The following XIRP2 variants were observed in gnomAD, a reference collection of about 807,000 sequenced individuals.
XIRP2 encodes the protein xin actin-binding repeat-containing protein 2.
A neutral mutation model predicts 277.0 loss-of-function variants in XIRP2; 236 were observed. The ratio of observed to expected loss-of-function variants is 0.85; its 90% CI spans 0.77 to 0.95. The LOEUF (loss-of-function observed/expected upper bound fraction) is 0.95, where lower values mean the gene tolerates loss of function less well. Ranked by LOEUF, XIRP2 falls within the 40% of genes least tolerant of loss-of-function variation. The pLI, the probability that XIRP2 is intolerant of heterozygous loss-of-function variation, is 0.00. For synonymous variants in XIRP2, 1,490 were observed against 1,416.5 expected, an observed-to-expected ratio of 1.05 and a Z score of -1.17; for missense variants, 4,640 against 4,157.5, an observed-to-expected ratio of 1.12 and a Z score of -3.19.
At chr2:167,021,835 T>A (rs543002800) in intron 2 of XIRP2, among the ~76,000 whole-genome samples, 128 of 152,080 alleles carry the variant, frequency 8.4e-4, no homozygotes, top group African/African-American at 2.8e-3. Flanking sequence ...AAAAATAAAA[T>A]TTTTTTAAAA....
chr2:167,225,145 T>G (rs1460900643), intron 5 of XIRP2, among the ~76,000 whole-genome samples: 1 of 152,188 alleles, frequency 6.6e-6, no homozygotes, highest in African/African-American at 2.4e-5. Flanking sequence ...TTTTCTTAAG[T>G]GGGAACAAAT....
intron 2 of XIRP2, among the ~76,000 whole-genome samples, chr2:167,134,008 T>C (rs923038079): frequency 6.6e-6 from 1 of 152,140 alleles, no homozygotes; most frequent in African/African-American, 2.4e-5. Context: ...GCAATTGTTT[T>C]TAGCTTCAGT....
intron 2 of XIRP2, among the ~76,000 whole-genome samples, chr2:166,968,702 A>C (rs528523503): frequency 1.3e-4 from 20 of 152,146 alleles, no homozygotes; most frequent in South Asian, 4.1e-4. Flanking sequence ...AAGAGTATGT[A>C]TAAATCATGC....
chr2:167,213,316 G>A (rs955603776), intron 4 of XIRP2, among the ~76,000 whole-genome samples: 3 of 152,078 alleles, frequency 2.0e-5, no homozygotes, highest in Non-Finnish European at 2.9e-5. Flanking sequence ...CAGTTTATAA[G>A]AAAGAAAACC....
chr2:166,940,036 G>C (rs1233359805), intron 2 of XIRP2, among the ~76,000 whole-genome samples: 4 of 152,226 alleles, frequency 2.6e-5, no homozygotes, highest in Non-Finnish European at 5.9e-5. Context: ...ATATCCTGCA[G>C]AGTGTTTTCC....
At chr2:167,016,172 A>C (rs919784195) in intron 2 of XIRP2, among the ~76,000 whole-genome samples, 2 of 151,218 alleles carry the variant, frequency 1.3e-5, no homozygotes, top group Non-Finnish European at 1.5e-5. Flanking sequence ...TTTCTCCTTC[A>C]TCTTCCCCTC....
At chr2:167,253,541 T>G (rs1695574816) in intron 9 of XIRP2, among the ~76,000 whole-genome samples, 1 of 151,850 alleles carries the variant, frequency 6.6e-6, no homozygotes, top group Non-Finnish European at 1.5e-5. Flanking sequence ...AAAAAACATA[T>G]GTATTTTAGA....
At chr2:167,179,914 C>T (rs1446634127) in intron 3 of XIRP2, among the ~76,000 whole-genome samples, 1 of 152,120 alleles carries the variant, frequency 6.6e-6, no homozygotes, top group Non-Finnish European at 1.5e-5. Context: ...ACCCAAAGTA[C>T]TGGATTACAG....
At chr2:167,219,857 T>C (rs552712691) in intron 5 of XIRP2, among the ~76,000 whole-genome samples, 33 of 152,346 alleles carry the variant, frequency 2.2e-4, no homozygotes, top group African/African-American at 7.9e-4. Context: ...GAGCAATTTA[T>C]GTGAAAATAT....
In XIRP2 at chr2:167,162,117, C is replaced by G. The variant is rs73019977; in HGVS notation, c.562+26055C>G. Among the ~76,000 whole-genome samples, 25 of 152,240 alleles carry G rather than the reference C, an allele frequency of 1.6e-4. No homozygotes were observed. In the East Asian group the frequency reaches 4.2e-3, roughly 26 times the overall value. The stretch of plus-strand genomic sequence containing the variant: ...GACCCCCTCAGCCTGAATTTCATTC[C>G]CTGTATCATTATCAGCATTCGGTCA... On this transcript the variant is annotated intron_variant, in intron 3 of 10. Transcript: ENST00000409195.
chr2:167,092,946 T>C (rs572375033), intron 2 of XIRP2, among the ~76,000 whole-genome samples: 1 of 152,112 alleles, frequency 6.6e-6, no homozygotes, highest in Non-Finnish European at 1.5e-5. Context: ...GTACCTAAAA[T>C]TGTAACCAGG....
intron 2 of XIRP2, among the ~76,000 whole-genome samples, chr2:166,977,680 A>C (rs529564296): frequency 6.6e-6 from 1 of 152,344 alleles, no homozygotes; most frequent in East Asian, 1.9e-4. Context: ...ATTCTGAGGC[A>C]TTAGAGTTCA....
At chr2:167,078,715 C>T (rs1167272377) in intron 2 of XIRP2, among the ~76,000 whole-genome samples, 3 of 151,736 alleles carry the variant, frequency 2.0e-5, no homozygotes, top group East Asian at 1.9e-4. Flanking sequence ...CGGGCGCCTG[C>T]AGTCCCAGCT....
chr2:166,932,406 G>A (rs149097227), intron 2 of XIRP2, among the ~76,000 whole-genome samples: 2 of 151,848 alleles, frequency 1.3e-5, no homozygotes, highest in East Asian at 3.9e-4. Flanking sequence ...TAAAGACAAG[G>A]TCTTACTATA....
At chr2:166,901,165 A>G (rs1226608042) in intron 1 of XIRP2, among the ~76,000 whole-genome samples, 2 of 151,992 alleles carry the variant, frequency 1.3e-5, no homozygotes, top group Non-Finnish European at 1.5e-5. Flanking sequence ...TTGGCTAGAG[A>G]AAGCAGGTTT....
chr2:167,159,968 G>T (rs1574309035), intron 3 of XIRP2, among the ~76,000 whole-genome samples: 1 of 152,144 alleles, frequency 6.6e-6, no homozygotes, highest in Non-Finnish European at 1.5e-5. Context: ...TCCAACATAT[G>T]CAATGCTAGA....
At chr2:166,922,612 A>C (rs1685080853) in intron 2 of XIRP2, among the ~76,000 whole-genome samples, 1 of 152,048 alleles carries the variant, frequency 6.6e-6, no homozygotes, top group African/African-American at 2.4e-5. Context: ...CAGCAGACTC[A>C]GAATTCAGAA....
In XIRP2 at chr2:166,981,023, G is replaced by A. The variant is rs140740973; in HGVS notation, c.408+77133G>A. Among the ~76,000 whole-genome samples the A allele has an allele frequency of 4.2e-3, 638 of 152,164 alleles. 4 individuals carry two copies. The highest frequency in any genetic ancestry group is 0.014 in the African/African-American group (589 of 41,504). ...TGTAAAATATATACTCTTAACAAGA[G>A]TATTAGTATGTTTACTGCCCTCCAA... On this transcript the variant is annotated intron_variant, in intron 2 of 10. Coordinates refer to ENST00000409195, the MANE Select transcript of XIRP2 (RefSeq NM_152381.6).
intron 2 of XIRP2, among the ~76,000 whole-genome samples, chr2:166,957,138 G>A (rs1686182701): frequency 1.3e-5 from 2 of 151,500 alleles, no homozygotes; most frequent in African/African-American, 4.8e-5. Context: ...TGCCTCATTT[G>A]TTGTTGATTT....
Sources: allele counts gnomAD v4.1 joint callset (sites outside exome capture counted in the v4.1 genomes callset), GRCh38; gene constraint gnomAD v4.1.1; transcripts MANE v1.5; gene names NCBI Gene and HGNC (gene_info 2026-07-23, HGNC 2026-07-21).